The following FAF1 variants were observed in gnomAD, a reference collection of about 807,000 sequenced individuals.
FAF1 encodes the protein Fas associated factor 1, also known as FAS-associated factor 1.
FAF1 carries 25 observed loss-of-function variants against 92.5 expected under a neutral mutation model. The ratio of observed to expected loss-of-function variants is 0.27; its 90% confidence interval spans 0.20 to 0.38. The LOEUF is 0.38. Ranked by LOEUF, FAF1 falls within the 10% of genes least tolerant of loss-of-function variation. FAF1 has a pLI of 1.00. For synonymous variants in FAF1, 234 were observed against 273.2 expected (o/e 0.86, Z 1.42); for missense variants, 636 against 793.3 (o/e 0.80, Z 2.38).
intron 15 of FAF1, among the ~76,000 whole-genome samples, chr1:50,497,642 C>A (rs1262555784): frequency 6.7e-6 from 1 of 148,210 alleles, no homozygotes; most frequent in African/African-American, 2.5e-5. Context: ...TCCACCCCCC[C>A]AGGTTTAAGC....
At chr1:50,939,281 T>C (rs1272779247) in intron 1 of FAF1, among the ~76,000 whole-genome samples, 4 of 152,196 alleles carry the variant, frequency 2.6e-5, no homozygotes, top group Non-Finnish European at 1.5e-5. Flanking sequence ...GATTTTCACG[T>C]CCTTGGTTAA....
rs181473840 is a variant in FAF1, at chr1:50,746,179, A to G, written c.368-1404T>C. ...AAATTTCTAAGGAACAAAGCATTCA[A>G]GATGTTGCCTGGCTGCTTCTAGTAC... On this transcript the variant is annotated intron_variant, in intron 4 of 18. Transcript: ENST00000396153. Among the ~76,000 whole-genome samples the G allele has an allele frequency of 4.4e-3, 643 of 147,000 alleles. 6 individuals are homozygous for G. The highest frequency in any genetic ancestry group is 0.013 in the African/African-American group (522 of 39,440).
intron 2 of FAF1, among the ~76,000 whole-genome samples, chr1:50,827,732 C>T (rs373539016): frequency 9.9e-5 from 15 of 151,904 alleles, no homozygotes; most frequent in East Asian, 1.9e-4. Flanking sequence ...TACCTAAATA[C>T]GTAAATAAAA....
intron 2 of FAF1, among the ~76,000 whole-genome samples, chr1:50,847,833 C>T (rs147615804): frequency 6.6e-6 from 1 of 152,008 alleles, no homozygotes; most frequent in Non-Finnish European, 1.5e-5. Context: ...TCCAAGAGCA[C>T]CAACAGCACC....
chr1:50,527,230 C>A (rs114796791), intron 15 of FAF1, among the ~76,000 whole-genome samples: 2,027 of 152,180 alleles, frequency 0.013, 43 homozygotes, highest in African/African-American at 0.045. Context: ...TTTGCAGTCA[C>A]CTGGTGAGTA....
chr1:50,742,095 G>A (rs1450497408), intron 5 of FAF1, among the ~76,000 whole-genome samples: 1 of 151,848 alleles, frequency 6.6e-6, no homozygotes, highest in Non-Finnish European at 1.5e-5. Context: ...GACTGCATGA[G>A]TCCAGGAATT....
At chr1:50,615,355 A>T in intron 8 of FAF1, among the ~76,000 whole-genome samples, 1 of 152,130 alleles carries the variant, frequency 6.6e-6, no homozygotes, top group East Asian at 1.9e-4. Context: ...ATTTTGGTAC[A>T]ATAATCTATT....
chr1:50,655,171 G>C lies in FAF1; in HGVS notation c.744+271C>G, dbSNP rs560171256. On this transcript the variant is annotated intron_variant, in intron 8 of 18. Coordinates refer to ENST00000396153, the MANE Select transcript of FAF1 (RefSeq NM_007051.3). ...CTGAGTAGTGGGATTAGAGGCGGCC[G>C]CCACCATGCCCAGCTAATTTTTGTG... 1.8e-3 allele frequency among the ~76,000 whole-genome samples: 269 copies of C among 152,070 alleles called. No individual in the cohort carries two copies. Among genetic ancestry groups the C allele is most frequent in the Non-Finnish European group, 3.3e-3 (225 of 67,978 alleles).
chr1:50,617,194 G>C (rs1471197193), intron 8 of FAF1, among the ~76,000 whole-genome samples: 1 of 152,190 alleles, frequency 6.6e-6, no homozygotes, highest in Non-Finnish European at 1.5e-5. Context: ...GGAGTGGTGA[G>C]AGTAGGCATC....
intron 1 of FAF1, among the ~76,000 whole-genome samples, chr1:50,909,581 C>A (rs1644868072): frequency 6.6e-6 from 1 of 152,082 alleles, no homozygotes; most frequent in Non-Finnish European, 1.5e-5. Flanking sequence ...TTTCTTTTTG[C>A]TCTTTTTTCT....
chr1:50,497,860 A>G (rs1646920296), intron 15 of FAF1, among the ~76,000 whole-genome samples: 1 of 152,010 alleles, frequency 6.6e-6, no homozygotes, highest in Non-Finnish European at 1.5e-5. Context: ...AAAACTCTTT[A>G]AGAAACAATT....
intron 1 of FAF1, among the ~76,000 whole-genome samples, chr1:50,951,846 A>G (rs1224282706): frequency 1.3e-5 from 2 of 152,196 alleles, no homozygotes; most frequent in African/African-American, 2.4e-5. Flanking sequence ...ATTTCTGCTC[A>G]CACAGTCTGG....
At chr1:50,733,711 T>C (rs1203937989) in intron 6 of FAF1, among the ~76,000 whole-genome samples, 2 of 152,200 alleles carry the variant, frequency 1.3e-5, no homozygotes, top group East Asian at 3.8e-4. Context: ...ACTGGAACCT[T>C]CATCTTGGAG....
chr1:50,470,630 A>G (rs766993542), intron 18 of FAF1: 1 of 152,204 alleles, frequency 6.6e-6, no homozygotes, highest in Non-Finnish European at 1.5e-5. Context: ...ATTTAGTATT[A>G]TTACAGCAGA....
intron 1 of FAF1, among the ~76,000 whole-genome samples, chr1:50,941,983 G>T (rs2124754488): frequency 6.6e-6 from 1 of 152,208 alleles, no homozygotes; most frequent in Non-Finnish European, 1.5e-5. Flanking sequence ...GAGAAAATGT[G>T]GATATATAAG....
intron 8 of FAF1, among the ~76,000 whole-genome samples, chr1:50,614,105 G>GA (rs890621474): frequency 9.3e-5 from 14 of 150,780 alleles, no homozygotes; most frequent in African/African-American, 2.9e-4. Flanking sequence ...GAAAAAAAAA[G>GA]AAAAAAAACA....
intron 1 of FAF1, among the ~76,000 whole-genome samples, chr1:50,950,996 C>T (rs139939155): frequency 3.3e-5 from 5 of 152,186 alleles, no homozygotes; most frequent in Admixed American, 6.5e-5. Flanking sequence ...TTTGGGAGGC[C>T]GAGGCGGGCA....
At chr1:50,559,386 T>C (rs1325753477) in intron 13 of FAF1, among the ~76,000 whole-genome samples, 1 of 152,246 alleles carries the variant, frequency 6.6e-6, no homozygotes, top group Non-Finnish European at 1.5e-5. Flanking sequence ...TTTCCTTTTT[T>C]CCTTTCAGTA....
Position 50,759,302 on chromosome 1 carries a change from C to A in FAF1, c.368-14527G>T, listed in dbSNP as rs1293861005. Among the ~76,000 whole-genome samples the A allele has an allele frequency of 4.4e-3, 481 of 110,568 alleles. 3 individuals are homozygous for A. Among genetic ancestry groups the A allele is most frequent in the African/African-American group, 0.013 (382 of 29,332 alleles). 72.5% of individuals were successfully genotyped at this position (110,568 alleles called of 152,430 possible). ...TCTCCTAAAGTTATCCCTCCCCCCT[C>A]CCCCCCACCCCACAACAGTCCCCAG... is the stretch of plus-strand genomic sequence containing the variant. On this transcript the variant is annotated intron_variant, in intron 4 of 18. Transcript: ENST00000396153.
Sources: allele counts gnomAD v4.1 joint callset (sites outside exome capture counted in the v4.1 genomes callset), GRCh38; gene constraint gnomAD v4.1.1; transcripts MANE v1.5; gene names NCBI Gene and HGNC (gene_info 2026-07-23, HGNC 2026-07-21).